Variants in SAMD4A observed in about 807,000 individuals in gnomAD.
The protein encoded by SAMD4A is protein Smaug homolog 1.
SAMD4A carries 33 observed loss-of-function variants against 81.3 expected under a neutral mutation model. The ratio of observed to expected loss-of-function variants is 0.41; its 90% CI spans 0.31 to 0.54. The LOEUF is 0.54. Among genes scored for constraint, SAMD4A ranks in the 20% least tolerant of loss-of-function variants. SAMD4A has a pLI of 0.37. For missense variants in SAMD4A, 854 were observed against 951.1 expected, an observed-to-expected ratio of 0.90 and a Z score of 1.34; for synonymous variants, 389 against 382.1, an observed-to-expected ratio of 1.02 and a Z score of -0.21.
At chr14:54,621,706 C>T (rs1396320292) in intron 2 of SAMD4A, among the ~76,000 whole-genome samples, 1 of 152,108 alleles carries the variant, frequency 6.6e-6, no homozygotes, top group East Asian at 1.9e-4. Flanking sequence ...TATTCTAGAC[C>T]AGATTCTTTC....
intron 12 of SAMD4A, among the ~76,000 whole-genome samples, chr14:54,787,593 T>C (rs2039173138): frequency 1.3e-5 from 2 of 152,236 alleles, no homozygotes; most frequent in Admixed American, 6.5e-5. Context: ...ATATTGGGGC[T>C]TGGACTGGGA....
intron 4 of SAMD4A, among the ~76,000 whole-genome samples, chr14:54,742,355 T>C (rs1179692990): frequency 6.6e-6 from 1 of 152,010 alleles, no homozygotes; most frequent in African/African-American, 2.4e-5. Flanking sequence ...GGGGGCAGCA[T>C]GGGGCCTGGT....
intron 2 of SAMD4A, among the ~76,000 whole-genome samples, chr14:54,648,339 G>A (rs2035329393): frequency 1.3e-5 from 2 of 152,212 alleles, no homozygotes; most frequent in Admixed American, 1.3e-4. Context: ...AACACGGGAG[G>A]ATTTGGCAGC....
chr14:54,614,202 A>C (rs1460285415), intron 2 of SAMD4A, among the ~76,000 whole-genome samples: 1 of 152,242 alleles, frequency 6.6e-6, no homozygotes. Context: ...CTTCTCACAA[A>C]GTTTTTTTCT....
At chr14:54,571,799 G>A (rs1246220744) in intron 2 of SAMD4A, among the ~76,000 whole-genome samples, 7 of 152,148 alleles carry the variant, frequency 4.6e-5, no homozygotes, top group Non-Finnish European at 1.0e-4. Flanking sequence ...AATCCATAGT[G>A]TATTGGAGGT....
chr14:54,585,532 T>C (rs2033590963), intron 2 of SAMD4A, among the ~76,000 whole-genome samples: 1 of 152,194 alleles, frequency 6.6e-6, no homozygotes, highest in Non-Finnish European at 1.5e-5. Flanking sequence ...GAGATTTTGG[T>C]GTACCCATCA....
chr14:54,651,930 C>T (rs998107905), intron 2 of SAMD4A, among the ~76,000 whole-genome samples: 5 of 152,194 alleles, frequency 3.3e-5, no homozygotes, highest in Admixed American at 2.0e-4. Flanking sequence ...CATCCAGGAC[C>T]GTATCCTTTA....
At chr14:54,618,260 A>T (rs1407653091) in intron 2 of SAMD4A, among the ~76,000 whole-genome samples, 1 of 152,156 alleles carries the variant, frequency 6.6e-6, no homozygotes, top group Admixed American at 6.5e-5. Flanking sequence ...GCTTTTTCCA[A>T]CTATGCTTTC....
rs57819180 is a variant in SAMD4A, at chr14:54,576,001, C to CTT, written c.196+7925_196+7926dup. Among the ~76,000 whole-genome samples the CTT allele has an allele frequency of 4.4e-4, 35 of 79,980 alleles. 2 individuals are homozygous for CTT. The highest frequency in any genetic ancestry group is 9.7e-4 in the Admixed American group (6 of 6,184). The allele number at this position is 79,980 out of a possible 152,430, so 52.5% of individuals were successfully genotyped here. A position where few individuals can be genotyped will look rare whatever the true frequency, so the allele number is the denominator to read the frequency against. On this transcript the variant is annotated intron_variant, in intron 2 of 12. Transcript: ENST00000554335. ...CCAGGAAAGATTTCTTTCTTTCTTT[C>CTT]TTTTTTTTTTTTTTTTTTTTTTTTT...
intron 2 of SAMD4A, among the ~76,000 whole-genome samples, chr14:54,700,511 TTTG>T (rs1481317546): frequency 6.6e-5 from 10 of 152,186 alleles, no homozygotes; most frequent in Non-Finnish European, 1.5e-4. Flanking sequence ...CTGGGCTTGT[TTTG>T]TTATGTTTGC....
At chr14:54,635,993 A>C (rs1217216823) in intron 2 of SAMD4A, among the ~76,000 whole-genome samples, 2 of 152,194 alleles carry the variant, frequency 1.3e-5, no homozygotes. Flanking sequence ...TAATGGGAGG[A>C]TGTGGGGAGA....
chr14:54,637,191 C>G (rs893389568), intron 2 of SAMD4A, among the ~76,000 whole-genome samples: 3 of 151,690 alleles, frequency 2.0e-5, no homozygotes, highest in African/African-American at 7.3e-5. Context: ...ATGATGAAAC[C>G]TCGTCTCTAC....
intron 2 of SAMD4A, among the ~76,000 whole-genome samples, chr14:54,626,045 TGTGTGTGTGTGTGTGCGCGCGC>T (rs2034742055): frequency 7.7e-6 from 1 of 130,560 alleles, no homozygotes; most frequent in African/African-American, 3.3e-5. Flanking sequence ...TGTGTGTGTG[TGTGTGTGTGTGTGTGCGCGCGC>T]GCGCGCGCGA....
intron 3 of SAMD4A, among the ~76,000 whole-genome samples, chr14:54,711,995 T>C (rs753079642): frequency 9.2e-5 from 14 of 152,146 alleles, no homozygotes; most frequent in African/African-American, 3.4e-4. Context: ...CCGCTTCAAG[T>C]GCATTTCAGT....
At chr14:54,674,191 G>A (rs2035942381) in intron 2 of SAMD4A, among the ~76,000 whole-genome samples, 1 of 152,254 alleles carries the variant, frequency 6.6e-6, no homozygotes, top group South Asian at 2.1e-4. Context: ...TCGGCAAGAA[G>A]CCTGGCAAGA....
chr14:54,615,872 A>T (rs1007619981), intron 2 of SAMD4A, among the ~76,000 whole-genome samples: 1 of 152,180 alleles, frequency 6.6e-6, no homozygotes, highest in African/African-American at 2.4e-5. Context: ...TTTAATACGT[A>T]TAGGGACCCT....
chr14:54,695,066 T>C (rs904455783), intron 2 of SAMD4A: 7 of 240,400 alleles, frequency 2.9e-5, no homozygotes, highest in African/African-American at 7.0e-5. Flanking sequence ...TAATGGTCTA[T>C]ACAGTCCACT....
intron 3 of SAMD4A, among the ~76,000 whole-genome samples, chr14:54,727,665 T>G (rs189681192): frequency 6.6e-6 from 1 of 152,216 alleles, no homozygotes; most frequent in East Asian, 1.9e-4. Context: ...ACTTGAATTT[T>G]TGGCTACTGT....
At chr14:54,627,490 A>G (rs2034793761) in intron 2 of SAMD4A, among the ~76,000 whole-genome samples, 1 of 152,198 alleles carries the variant, frequency 6.6e-6, no homozygotes, top group African/African-American at 2.4e-5. Context: ...GTGTTTGTGT[A>G]TGTGTTTGAC....
Sources: allele counts gnomAD v4.1 joint callset (sites outside exome capture counted in the v4.1 genomes callset), GRCh38; gene constraint gnomAD v4.1.1; transcripts MANE v1.5; gene names NCBI Gene and HGNC (gene_info 2026-07-23, HGNC 2026-07-21).